The following MAF variants were observed in gnomAD, a reference collection of about 807,000 sequenced individuals.
MAF encodes the protein transcription factor Maf.
In MAF, 10 loss-of-function variants were observed where a neutral mutation model predicts 22.0. The ratio of observed to expected loss-of-function variants is 0.45; its 90% CI spans 0.28 to 0.77. The LOEUF is 0.77. Ranked by LOEUF, MAF falls within the 30% of genes least tolerant of loss-of-function variation. The pLI is 0.12. For missense variants in MAF, 544 were observed against 548.4 expected (o/e 0.99, Z 0.08); for synonymous variants, 337 against 255.8 (o/e 1.32, Z -3.03).
At chr16:79,403,213 C>T in the MAF span, among the ~76,000 whole-genome samples, 17 of 152,142 alleles carry the variant, frequency 1.1e-4, no homozygotes, top group Non-Finnish European at 1.3e-4. Context: ...CCATGTTTCC[C>T]GCTAAAATGT....
chr16:79,529,166 C>G, the MAF span, among the ~76,000 whole-genome samples: 2 of 152,212 alleles, frequency 1.3e-5, no homozygotes, highest in African/African-American at 4.8e-5. Context: ...AAATTACACA[C>G]TGGAACTCAT....
the MAF span, among the ~76,000 whole-genome samples, chr16:79,333,435 C>G: frequency 6.6e-6 from 1 of 152,130 alleles, no homozygotes; most frequent in Non-Finnish European, 1.5e-5. Context: ...GACATGACAA[C>G]AGGCCAAAAC....
At chr16:79,528,456 C>A in the MAF span, among the ~76,000 whole-genome samples, 1 of 152,170 alleles carries the variant, frequency 6.6e-6, no homozygotes, top group Non-Finnish European at 1.5e-5. Context: ...TGGGTAGGAA[C>A]TGAGCAGAAT....
At chr16:79,359,342 G>A in the MAF span, among the ~76,000 whole-genome samples, 2 of 152,176 alleles carry the variant, frequency 1.3e-5, no homozygotes, top group African/African-American at 4.8e-5. Flanking sequence ...TGCTAATAGT[G>A]CCTTAACAGG....
chr16:79,418,434 C>A, the MAF span, among the ~76,000 whole-genome samples: 2 of 152,040 alleles, frequency 1.3e-5, no homozygotes, highest in Admixed American at 1.3e-4. Context: ...TTGTGACAGA[C>A]AGAAAGAAAA....
the MAF span, among the ~76,000 whole-genome samples, chr16:79,547,205 G>A: frequency 6.6e-6 from 1 of 151,526 alleles, no homozygotes; most frequent in Non-Finnish European, 1.5e-5. Context: ...ATCCCTCCAT[G>A]CACACCCCTA....
At chr16:79,417,529 C>T in the MAF span, among the ~76,000 whole-genome samples, 6 of 152,052 alleles carry the variant, frequency 3.9e-5, no homozygotes, top group African/African-American at 1.4e-4. Context: ...TGGTGGTCCT[C>T]AAAGTGGGCT....
chr16:79,287,308 G>T, the MAF span, among the ~76,000 whole-genome samples: 2 of 152,344 alleles, frequency 1.3e-5, no homozygotes, highest in African/African-American at 4.8e-5. Flanking sequence ...CTGCTGTTCA[G>T]CTAGGGGCAG....
chr16:79,466,679 G>C, the MAF span, among the ~76,000 whole-genome samples: 1 of 152,190 alleles, frequency 6.6e-6, no homozygotes, highest in Non-Finnish European at 1.5e-5. Flanking sequence ...TGTGATGCTT[G>C]ACAGCAAAAA....
At chr16:79,341,719 G>A in the MAF span, among the ~76,000 whole-genome samples, 1 of 152,168 alleles carries the variant, frequency 6.6e-6, no homozygotes, top group African/African-American at 2.4e-5. Context: ...TGCACAGAGT[G>A]GATTGCAAGG....
the MAF span, among the ~76,000 whole-genome samples, chr16:79,223,301 T>C: frequency 6.6e-6 from 1 of 152,154 alleles, no homozygotes; most frequent in Middle Eastern, 3.2e-3. Context: ...GAAATAAAGT[T>C]CTTTCAAACC....
chr16:79,324,402 G>A, the MAF span, among the ~76,000 whole-genome samples: 9 of 152,216 alleles, frequency 5.9e-5, no homozygotes, highest in Middle Eastern at 3.4e-3. Context: ...TGTACGAAGC[G>A]CTGACTTTCA....
the MAF span, among the ~76,000 whole-genome samples, chr16:79,274,008 G>C: frequency 6.8e-6 from 1 of 146,778 alleles, no homozygotes; most frequent in African/African-American, 2.5e-5. Flanking sequence ...AGGTTAGAGT[G>C]CAAGGGCACG....
chr16:79,229,653 C>T, the MAF span, among the ~76,000 whole-genome samples: 1 of 151,922 alleles, frequency 6.6e-6, no homozygotes, highest in African/African-American at 2.4e-5. Context: ...TGGCGAGCAG[C>T]ACCTGGGCAA....
the MAF span, among the ~76,000 whole-genome samples, chr16:79,492,150 C>G: frequency 6.6e-6 from 1 of 152,162 alleles, no homozygotes; most frequent in Non-Finnish European, 1.5e-5. Flanking sequence ...GAGTTGAGGA[C>G]CGGGTGCCTA....
chr16:79,241,535 G>C, the MAF span, among the ~76,000 whole-genome samples: 3 of 151,946 alleles, frequency 2.0e-5, no homozygotes, highest in Non-Finnish European at 4.4e-5. Context: ...AAGAAATATG[G>C]GACTATGTGA....
chr16:79,597,559 A>G, intron 1 of MAF: 1 of 1,023,296 alleles, frequency 9.8e-7, no homozygotes, highest in Non-Finnish European at 1.2e-6. Context: ...TTTGACAAGG[A>G]ATGCCTTCAG....
At chr16:79,213,624 G>A in the MAF span, among the ~76,000 whole-genome samples, 7 of 152,152 alleles carry the variant, frequency 4.6e-5, no homozygotes, top group South Asian at 2.1e-4. Flanking sequence ...CATAGGGAAC[G>A]GCTCCTGGGC....
At chr16:79,242,532 C>G in the MAF span, among the ~76,000 whole-genome samples, 1 of 151,692 alleles carries the variant, frequency 6.6e-6, no homozygotes. Flanking sequence ...CACCCAATAC[C>G]GGAGCACCCA....
Sources: gnomAD v4.1 joint callset for allele counts (sites outside exome capture counted in the v4.1 genomes callset) on GRCh38, gnomAD v4.1.1 for gene constraint, MANE v1.5 for transcripts, NCBI Gene and HGNC (gene_info 2026-07-23, HGNC 2026-07-21) for gene names.